The following ATP8A2 variants were observed in gnomAD, a reference collection of about 807,000 sequenced individuals.
ATP8A2 encodes the protein ATPase phospholipid transporting 8A2.
In ATP8A2, 100 loss-of-function variants were observed where a neutral mutation model predicts 165.6. The observed-to-expected ratio is 0.60, with a 90% CI of 0.51 to 0.71. The LOEUF (loss-of-function observed/expected upper bound fraction) is 0.71, where lower values mean the gene tolerates loss of function less well. Among genes scored for constraint, ATP8A2 ranks in the 30% least tolerant of loss-of-function variants. ATP8A2 has a pLI of 0.00. For missense variants in ATP8A2, 1,227 were observed against 1,479.5 expected (o/e 0.83, Z 2.80); for synonymous variants, 543 against 548.8 (o/e 0.99, Z 0.15).
intron 35 of ATP8A2, among the ~76,000 whole-genome samples, chr13:25,997,989 T>C (rs536093733): frequency 6.6e-6 from 1 of 152,338 alleles, no homozygotes; most frequent in East Asian, 1.9e-4. Flanking sequence ...AAATAAGTGA[T>C]TTTCAAATGA....
Position 25,553,603 on chromosome 13 carries a change from C to T in ATP8A2, c.1058-190C>T, listed in dbSNP as rs556573060. 7.2e-5 allele frequency among the ~76,000 whole-genome samples: 11 copies of T among 152,352 alleles called. No individual in the cohort carries two copies. In the South Asian group the frequency reaches 2.3e-3, roughly 32 times the overall value. ...GGTTCCCGCTACGTCCTGTGAGCCT[C>T]TCTTTAGCGGATGCATCCTGCTGTG... On this transcript the variant is annotated intron_variant, in intron 11 of 36. Transcript: ENST00000381655.
Position 26,012,556 on chromosome 13 carries a change from A to T in ATP8A2, c.3403A>T (p.Lys1135Ter). 1 of 1,538,582 alleles carries T rather than the reference A, an allele frequency of 6.5e-7. No homozygotes were observed. Among genetic ancestry groups the T allele is most frequent in the Non-Finnish European group, 8.8e-7 (1 of 1,141,602 alleles). Residue 1135 changes from lysine (K) to a stop codon, truncating the protein, a stop_gained, in exon 36 of 37, where the codon AAG becomes TAG. Transcript: ENST00000381655. LOFTEE classifies it high-confidence loss of function. ...KRLNERDRLI[K>*]RLGRKTPPTL... ...GCTGAACGAGCGCGACCGCCTGATC[A>T]AGAGGCTGGGCCGGAAGACGCCCCC...
At chr13:25,810,511 T>C (rs1175705518) in intron 27 of ATP8A2, among the ~76,000 whole-genome samples, 2 of 151,350 alleles carry the variant, frequency 1.3e-5, no homozygotes, top group Non-Finnish European at 2.9e-5. Flanking sequence ...AGAACATCTG[T>C]CTTTTTTTTT....
chr13:25,626,670 A>T (rs9511837), intron 24 of ATP8A2, among the ~76,000 whole-genome samples: 120,455 of 152,006 alleles, frequency 0.79, 48,488 homozygotes, highest in Admixed American at 0.86. Flanking sequence ...AAGGAGTGGT[A>T]TGGGGAGTAA....
At chr13:25,912,155 GACACACACACACACACACAC>G (rs3056187) in intron 33 of ATP8A2, among the ~76,000 whole-genome samples, 1 of 141,148 alleles carries the variant, frequency 7.1e-6, no homozygotes, top group East Asian at 2.1e-4. Flanking sequence ...GAAAATGTGA[GACACACACACACACACACAC>G]ACACACACAC....
intron 18 of ATP8A2, among the ~76,000 whole-genome samples, chr13:25,574,033 A>G (rs2039545592): frequency 6.6e-6 from 1 of 152,218 alleles, no homozygotes; most frequent in African/African-American, 2.4e-5. Context: ...ACTGGATTCA[A>G]ACTCACATGT....
At position 25,930,010 on chromosome 13, in the gene ATP8A2, G is replaced by A. The variant is rs924732636; in HGVS notation, c.3184-31565G>A. Among the ~76,000 whole-genome samples the A allele has an allele frequency of 2.0e-5, 3 of 152,266 alleles. No homozygotes were observed. In the South Asian group the frequency reaches 6.2e-4, roughly 32 times the overall value. On this transcript the variant is annotated intron_variant, in intron 33 of 36. Coordinates refer to ENST00000381655, the MANE Select transcript of ATP8A2 (RefSeq NM_016529.6). ...CAGCTTGTAGGTAGGGCAGCCCCAC[G>A]TGCTCCTGTGCTGCCCCACGTGCCT... is the stretch of plus-strand genomic sequence containing the variant.
intron 1 of ATP8A2, among the ~76,000 whole-genome samples, chr13:25,420,018 A>C (rs530238033): frequency 6.6e-6 from 1 of 152,254 alleles, no homozygotes; most frequent in Non-Finnish European, 1.5e-5. Context: ...GGAAAAATGT[A>C]TGTACTGATG....
chr13:25,489,234 A>C (rs191323349), intron 2 of ATP8A2, among the ~76,000 whole-genome samples: 1 of 151,870 alleles, frequency 6.6e-6, no homozygotes, highest in African/African-American at 2.4e-5. Flanking sequence ...CTCTCGTTCT[A>C]TTCCCGGCTT....
At chr13:25,939,339 G>T (rs60291315) in intron 33 of ATP8A2, among the ~76,000 whole-genome samples, 1,530 of 152,204 alleles carry the variant, frequency 0.01, 21 homozygotes, top group African/African-American at 0.032. Context: ...TTGTTTGCCC[G>T]TTTTGGTTGA....
chr13:25,679,204 G>A (rs896390079), intron 24 of ATP8A2, among the ~76,000 whole-genome samples: 27 of 152,100 alleles, frequency 1.8e-4, no homozygotes, highest in African/African-American at 6.5e-4. Context: ...GGCAGAAAGA[G>A]GGAAATACTG....
At chr13:25,613,408 T>C (rs958935012) in intron 24 of ATP8A2, among the ~76,000 whole-genome samples, 1 of 152,114 alleles carries the variant, frequency 6.6e-6, no homozygotes. Flanking sequence ...ACCTCGTCTC[T>C]ACTAAAAATA....
chr13:25,738,465 G>A (rs1160621089), intron 25 of ATP8A2, among the ~76,000 whole-genome samples: 1 of 151,924 alleles, frequency 6.6e-6, no homozygotes, highest in African/African-American at 2.4e-5. Context: ...GGCTGGGCAT[G>A]TGAACCCAGC....
chr13:25,642,130 C>T (rs2041541944), intron 24 of ATP8A2, among the ~76,000 whole-genome samples: 1 of 152,108 alleles, frequency 6.6e-6, no homozygotes. Flanking sequence ...AAATGTTAGA[C>T]CTAAAACCAT....
chr13:25,378,656 A>G (rs540613296), intron 1 of ATP8A2, among the ~76,000 whole-genome samples: 2 of 152,156 alleles, frequency 1.3e-5, no homozygotes, highest in Non-Finnish European at 2.9e-5. Context: ...TTCCATATAC[A>G]GGGTGAATAG....
intron 20 of ATP8A2, 32 bp downstream of exon 20, chr13:25,577,170 AGTTCTTGGCAGCTTT>A: frequency 6.4e-7 from 1 of 1,571,818 alleles, no homozygotes; most frequent in Non-Finnish European, 8.7e-7. Context: ...TGCGTAGCGG[AGTTCTTGGCAGCTTT>A]GTTAATCTGC....
At chr13:25,984,997 T>C (rs1158839359) in intron 35 of ATP8A2, among the ~76,000 whole-genome samples, 1 of 152,108 alleles carries the variant, frequency 6.6e-6, no homozygotes, top group Non-Finnish European at 1.5e-5. Flanking sequence ...CACACACCCT[T>C]TTGAGGAGAA....
At chr13:25,637,371 G>T (rs955398773) in intron 24 of ATP8A2, among the ~76,000 whole-genome samples, 3 of 152,180 alleles carry the variant, frequency 2.0e-5, no homozygotes, top group Non-Finnish European at 4.4e-5. Flanking sequence ...AAGGGAAGCT[G>T]TAACAGATGG....
chr13:25,963,856 T>A (rs1022258801), intron 34 of ATP8A2, among the ~76,000 whole-genome samples: 2 of 152,242 alleles, frequency 1.3e-5, no homozygotes, highest in Admixed American at 1.3e-4. Context: ...CAGGACTTGT[T>A]TTTGGTTTCC....
Sources: allele counts gnomAD v4.1 joint callset (sites outside exome capture counted in the v4.1 genomes callset), GRCh38; gene constraint gnomAD v4.1.1; transcripts MANE v1.5; gene names NCBI Gene and HGNC (gene_info 2026-07-23, HGNC 2026-07-21).